Variants in DGKQ observed in about 807,000 individuals in gnomAD.
DGKQ encodes the protein diacylglycerol kinase theta, also known as DAG kinase theta.
A neutral mutation model predicts 104.2 loss-of-function variants in DGKQ; 97 were observed. The observed-to-expected ratio is 0.93, with a 90% confidence interval of 0.79 to 1.10. DGKQ has a LOEUF of 1.10. Ranked by LOEUF, DGKQ falls within the 50% of genes least tolerant of loss-of-function variation. The probability of loss-of-function intolerance (pLI) is 0.00; values close to 1 mark genes in which losing one functional copy is unlikely to be tolerated. For synonymous variants in DGKQ, 736 were observed against 595.2 expected (o/e 1.24, Z -3.44); for missense variants, 1,465 against 1,352.1 (o/e 1.08, Z -1.31).
intron 15 of DGKQ, among the ~76,000 whole-genome samples, chr4:964,474 C>T (rs1712138333): frequency 6.6e-6 from 1 of 151,838 alleles, no homozygotes; most frequent in Non-Finnish European, 1.5e-5. Context: ...TCCAGCCCCT[C>T]CATGGGCCAG....
At chr4:972,997 G>A (rs975726000) in intron 1 of DGKQ, among the ~76,000 whole-genome samples, 3 of 152,168 alleles carry the variant, frequency 2.0e-5, no homozygotes, top group Non-Finnish European at 4.4e-5. Context: ...GCACTATGGA[G>A]ATGCTGTCCG....
chr4:968,795 G>A lies in DGKQ; in HGVS notation c.451+16C>T, dbSNP rs759020831. ...GACCAGGACACTGGGTGGGGAGCCA[G>A]GCAGGCTCCAGGTACCTTCGCAGTG... On this transcript the variant is annotated intron_variant, in intron 3 of 22. Transcript: ENST00000273814. The A allele has an allele frequency of 1.9e-6, 3 of 1,601,034 alleles. No homozygotes were observed. Among genetic ancestry groups the A allele is most frequent in the South Asian group, 2.2e-5 (2 of 89,808 alleles).
Position 968,325 on chromosome 4 carries a change from G to A in DGKQ, c.620C>T (p.Ser207Phe). 8.2e-7 allele frequency: 1 copy of A among 1,220,860 alleles called. No homozygotes were observed. 75.6% of individuals were successfully genotyped at this position (1,220,860 alleles called of 1,614,324 possible). Residue 207 changes from serine (S) to phenylalanine (F), a missense_variant, in exon 5 of 23, where the codon TCT becomes TTT. Transcript: ENST00000273814. ...CEVCRKTCGS[S>F]DVLAGVRCEW... ...GCAGCGCACGCCGGCCAGCACGTCA[G>A]AGGAGCCGCACGTCTTCCTGCAGAC...
rs1156616946 is a variant in DGKQ at position 967,644 on chromosome 4, G to A, written c.892C>T (p.Gln298Ter). The A allele has an allele frequency of 6.2e-7, 1 of 1,612,718 alleles. No individual in the cohort carries two copies. ...TCGCCATCAAAGATCTTCAGCGTTT[G>A]CTTCCCTGGGCCGGGTAAGCTCCGT... Reference protein sequence around the residue: ...ETQATPESGKQTLKIFDGDDA... With the variant: ...ETQATPESGK The change falls in exon 8 of 23, where the codon CAA becomes TAA. Residue 298 changes from glutamine (Q) to a stop codon, truncating the protein, a stop_gained. Coordinates refer to ENST00000273814, the MANE Select transcript of DGKQ (RefSeq NM_001347.4). LOFTEE classifies it high-confidence loss of function.
rs535181534 is a variant in DGKQ at position 969,543 on chromosome 4, C to T, written c.352-633G>A. Among the ~76,000 whole-genome samples, 5 of 152,316 alleles carry T rather than the reference C, an allele frequency of 3.3e-5. No individual in the cohort carries two copies. In the South Asian group the frequency reaches 6.2e-4, roughly 19 times the overall value. ...CCGATAAAAGCATACACAGAAAGAC[C>T]GTGTTCCAGAATAGCAGCTGTGAGC... On this transcript the variant is annotated intron_variant, in intron 2 of 22. Transcript: ENST00000273814.
In DGKQ at chr4:965,960, C is replaced by T. The variant is rs749879528; in HGVS notation, c.1547G>A (p.Ser516Asn). Reference protein sequence around the residue: ...LPPGLSPEEYSSLLHEAGATK... With the variant: ...LPPGLSPEEYNSLLHEAGATK... ...AGCCCCGGCCTCATGCAGCAGGCTGCTGTACTCCTCGGGAGACAGGCCGGG... is the reference window on the plus strand; with the variant it reads ...AGCCCCGGCCTCATGCAGCAGGCTGTTGTACTCCTCGGGAGACAGGCCGGG... The change falls in exon 13 of 23, where the codon AGC becomes AAC. Residue 516 changes from serine to asparagine, a missense_variant. Transcript: ENST00000273814. 2.5e-6 allele frequency: 4 copies of T among 1,605,112 alleles called. No individual in the cohort carries two copies. The East Asian group carries it at 9.0e-5, about 36-fold the overall frequency.
At chr4:966,432 G>T (rs371400837) in intron 12 of DGKQ, 34 bp downstream of exon 12, 1 of 1,606,872 alleles carries the variant, frequency 6.2e-7, no homozygotes, top group Non-Finnish European at 8.5e-7. Flanking sequence ...GAGGGCTGCT[G>T]GTTCCCTGGG....
In DGKQ at chr4:967,685, G is replaced by A. The variant is rs1369385090; in HGVS notation, c.887-36C>T. On this transcript the variant is annotated intron_variant, in intron 7 of 22. Transcript: ENST00000273814. ...TAAGCTCCGTGAGTCCCGGGCGCCC[G>A]GGGGACCTCAGTGGAGTTGGGGGGA... is the stretch of plus-strand genomic sequence containing the variant. 5.0e-6 allele frequency: 8 copies of A among 1,612,050 alleles called. No individual in the cohort carries two copies. In the East Asian group the frequency reaches 6.7e-5, roughly 13 times the overall value.
Position 960,477 on chromosome 4 carries a change from G to A in DGKQ, c.*143C>T. ...TGAGGGCGGGTCCCGCTCCGTCACT[G>A]GGAAGATGCTGTGGTCAGGGCTGTA... On this transcript the variant is annotated 3_prime_UTR_variant, in exon 23 of 23. Transcript: ENST00000273814. 1.4e-6 allele frequency: 1 copy of A among 707,484 alleles called. No homozygotes were observed. The highest frequency in any genetic ancestry group is 2.4e-6 in the Non-Finnish European group (1 of 412,010). 43.8% of individuals were successfully genotyped at this position (707,484 alleles called of 1,614,324 possible).
chr4:960,818 C>T, intron 22 of DGKQ, 97 bp from the exon 23 acceptor site: 2 of 1,524,386 alleles, frequency 1.3e-6, no homozygotes, highest in Non-Finnish European at 8.8e-7. Flanking sequence ...GCAGCTGATG[C>T]CATCTCAGCC....
At chr4:968,782 G>C (rs373940148) in intron 3 of DGKQ, 29 bp downstream of exon 3, 1 of 1,582,682 alleles carries the variant, frequency 6.3e-7, no homozygotes, top group South Asian at 1.1e-5. Flanking sequence ...CCAGGACACT[G>C]GGTGGGGAGC....
intron 8 of DGKQ, 39 bp downstream of exon 8, chr4:967,510 C>G: frequency 6.3e-7 from 1 of 1,595,704 alleles, no homozygotes; most frequent in Admixed American, 1.7e-5. Flanking sequence ...ACATGCGGTC[C>G]TGGGAGGGGG....
intron 2 of DGKQ, 134 bp downstream of exon 2, chr4:970,859 A>T (rs1304125044): frequency 1.6e-6 from 1 of 640,618 alleles, no homozygotes; most frequent in Non-Finnish European, 2.7e-6. Flanking sequence ...TTTAATCCCG[A>T]GCAGTATCTG....
chr4:962,940 G>A lies in DGKQ; in HGVS notation c.1887-20C>T, dbSNP rs892934718. On this transcript the variant is annotated intron_variant, in intron 16 of 22. Coordinates refer to ENST00000273814, the MANE Select transcript of DGKQ (RefSeq NM_001347.4). ...TGGAGCCTAGCGGGAGACAGGAAGT[G>A]TCCTCTACCAGCTGCGGGCGCAGCC... 21 of 1,600,640 alleles carry A rather than the reference G, an allele frequency of 1.3e-5. No homozygotes were observed. In the African/African-American group the frequency reaches 2.1e-4, roughly 16 times the overall value.
In DGKQ at chr4:961,730, TC is replaced by T; in HGVS notation, c.2419del (p.Glu807SerfsTer46). ...IRLQVERQEV[E>X]LPSIEGLIFI... Reference sequence around the variant, plus strand: ...GATGAGGCCTTCAATACTGGGCAGCTCCACCTCCTGCCGCTCCACCTGCAGC... The same window carrying T: ...GATGAGGCCTTCAATACTGGGCAGCTCACCTCCTGCCGCTCCACCTGCAGC... On this transcript the variant is annotated frameshift_variant, in exon 20 of 23. Coordinates refer to ENST00000273814, the MANE Select transcript of DGKQ (RefSeq NM_001347.4). LOFTEE classifies it high-confidence loss of function. 6.2e-7 allele frequency: 1 copy of T among 1,612,636 alleles called. No homozygotes were observed. Among genetic ancestry groups the T allele is most frequent in the Non-Finnish European group, 8.5e-7 (1 of 1,179,896 alleles).
Position 967,636 on chromosome 4 carries a change from C to T in DGKQ, c.900G>A (p.Leu300=). The change falls in exon 8 of 23, where the codon CTG becomes CTA. Residue 300 remains leucine, a synonymous_variant. Transcript: ENST00000273814. ...QATPESGKQT[L]KIFDGDDAVR... is the part of the protein sequence containing the mutation. Reference sequence around the variant, plus strand: ...CCGCGTCGTCGCCATCAAAGATCTTCAGCGTTTGCTTCCCTGGGCCGGGTA... The same window carrying T: ...CCGCGTCGTCGCCATCAAAGATCTTTAGCGTTTGCTTCCCTGGGCCGGGTA... 1 of 1,612,756 alleles carries T rather than the reference C, an allele frequency of 6.2e-7. No homozygotes were observed. Among genetic ancestry groups the T allele is most frequent in the Non-Finnish European group, 8.5e-7 (1 of 1,179,886 alleles).
rs926693204 is a variant in DGKQ, at chr4:960,490, G to A, written c.*130C>T. The stretch of plus-strand genomic sequence containing the variant: ...CGCTCCGTCACTGGGAAGATGCTGT[G>A]GTCAGGGCTGTAGCCAGGTCCGACC... On this transcript the variant is annotated 3_prime_UTR_variant, in exon 23 of 23. Coordinates refer to ENST00000273814, the MANE Select transcript of DGKQ (RefSeq NM_001347.4). 1.1e-5 allele frequency: 9 copies of A among 790,488 alleles called. No homozygotes were observed. Among genetic ancestry groups the A allele is most frequent in the East Asian group, 5.1e-5 (2 of 39,590 alleles). 49.0% of individuals were successfully genotyped at this position (790,488 alleles called of 1,614,324 possible). A position where few individuals can be genotyped will look rare whatever the true frequency, so the allele number is the denominator to read the frequency against.
At chr4:962,189 G>T in intron 18 of DGKQ, 107 bp from the exon 19 acceptor site, 1 of 1,065,438 alleles carries the variant, frequency 9.4e-7, no homozygotes, top group Non-Finnish European at 1.4e-6. Flanking sequence ...GACCACCCTG[G>T]CACCAAGCCG....
Position 961,280 on chromosome 4 carries a change from C to A in DGKQ, c.2575-79G>T, listed in dbSNP as rs548214525. On this transcript the variant is annotated intron_variant, in intron 21 of 22. Coordinates refer to ENST00000273814, the MANE Select transcript of DGKQ (RefSeq NM_001347.4). ...GACCTGGCCCTGGGGCGGGAGAGGC[C>A]AGCCGAGCAGGGACCAGGGACGCCC... The A allele has an allele frequency of 1.8e-5, 24 of 1,315,806 alleles. No homozygotes were observed. The African/African-American group carries it at 3.3e-4, about 18-fold the overall frequency. 81.5% of individuals were successfully genotyped at this position (1,315,806 alleles called of 1,614,324 possible).
Sources: gnomAD v4.1 joint callset for allele counts (sites outside exome capture counted in the v4.1 genomes callset) on GRCh38, gnomAD v4.1.1 for gene constraint, MANE v1.5 for transcripts, NCBI Gene and HGNC (gene_info 2026-07-23, HGNC 2026-07-21) for gene names.